The following TOPBP1 variants were observed in gnomAD, a reference collection of about 807,000 sequenced individuals.
TOPBP1 encodes DNA topoisomerase II binding protein 1, also known as DNA topoisomerase 2-binding protein 1.
TOPBP1 carries 28 observed loss-of-function variants against 167.7 expected under a neutral mutation model. The observed-to-expected ratio is 0.17, with a 90% CI of 0.12 to 0.23. The LOEUF is 0.23. TOPBP1 is among the 10% of genes least tolerant of loss of function. The pLI is 1.00. For synonymous variants in TOPBP1, 598 were observed against 611.4 expected (o/e 0.98, Z 0.32); for missense variants, 1,554 against 1,809.6 (o/e 0.86, Z 2.56).
intron 23 of TOPBP1, among the ~76,000 whole-genome samples, chr3:133,614,731 T>C (rs1934802962): frequency 6.6e-6 from 1 of 151,328 alleles, no homozygotes; most frequent in Admixed American, 6.6e-5. Context: ...TTCTGACTTA[T>C]AACCTCACCT....
intron 14 of TOPBP1, 118 bp from the exon 15 acceptor site, chr3:133,628,851 G>A: frequency 2.0e-6 from 2 of 995,916 alleles, no homozygotes; most frequent in South Asian, 1.9e-5. Context: ...GAGAGAAGGG[G>A]GAGAATCCTC....
At chr3:133,650,846 T>C (rs1443061287) in intron 8 of TOPBP1, among the ~76,000 whole-genome samples, 1 of 152,122 alleles carries the variant, frequency 6.6e-6, no homozygotes, top group Non-Finnish European at 1.5e-5. Flanking sequence ...TGGTGGCTCA[T>C]GCCTGTAATC....
chr3:133,621,240 T>G (rs978937538), intron 19 of TOPBP1, among the ~76,000 whole-genome samples: 13 of 152,030 alleles, frequency 8.6e-5, no homozygotes, highest in Non-Finnish European at 1.9e-4. Context: ...CTGGAACCCC[T>G]AGCATCAAGC....
chr3:133,632,003 G>C (rs1935502043), intron 14 of TOPBP1, among the ~76,000 whole-genome samples: 1 of 152,106 alleles, frequency 6.6e-6, no homozygotes, highest in African/African-American at 2.4e-5. Context: ...CTCCAGCCAT[G>C]AAAGACGTGC....
chr3:133,643,559 T>C (rs564198874), intron 11 of TOPBP1, among the ~76,000 whole-genome samples, 187 bp from the exon 12 acceptor site: 5 of 152,188 alleles, frequency 3.3e-5, no homozygotes, highest in Non-Finnish European at 7.3e-5. Context: ...CATACACACA[T>C]ATACATACAT....
At chr3:133,622,707 C>CA (rs1935133960) in intron 19 of TOPBP1, among the ~76,000 whole-genome samples, 1 of 151,956 alleles carries the variant, frequency 6.6e-6, no homozygotes, top group Non-Finnish European at 1.5e-5. Flanking sequence ...GAAAATCACT[C>CA]AAAAGAACTG....
At chr3:133,646,806 G>A (rs1936091613) in intron 10 of TOPBP1, among the ~76,000 whole-genome samples, 1 of 152,070 alleles carries the variant, frequency 6.6e-6, no homozygotes, top group South Asian at 2.1e-4. Flanking sequence ...AGGAATGCTA[G>A]GAATTCCCTC....
Position 133,640,129 on chromosome 3 carries a change from C to G in TOPBP1, c.2063G>C (p.Gly688Ala). 1 of 1,613,688 alleles carries G rather than the reference C, an allele frequency of 6.2e-7. No homozygotes were observed. Among genetic ancestry groups the G allele is most frequent in the Non-Finnish European group, 8.5e-7 (1 of 1,179,800 alleles). ...YFVRKSNAKK[G>A]MFASTHLILK... ...TATAAGATGAGTACTGGCAAACATG[C>G]CTTTCTTTGCATTGGATTTGCGAAC... Residue 688 changes from glycine to alanine, a missense_variant, in exon 13 of 28, where the codon GGC becomes GCC. By Grantham distance (60) the Gly-to-Ala change is moderately conservative. Coordinates refer to ENST00000260810, the MANE Select transcript of TOPBP1 (RefSeq NM_007027.4).
chr3:133,615,780 CTTTTTA>C (rs1483832394), intron 23 of TOPBP1, among the ~76,000 whole-genome samples: 1 of 151,196 alleles, frequency 6.6e-6, no homozygotes, highest in South Asian at 2.1e-4. Context: ...TTTCATTTTA[CTTTTTA>C]TTTTTGAGAT....
chr3:133,647,809 C>T (rs1410967904), intron 10 of TOPBP1, among the ~76,000 whole-genome samples: 1 of 151,794 alleles, frequency 6.6e-6, no homozygotes, highest in Non-Finnish European at 1.5e-5. Flanking sequence ...GATTCGTGAT[C>T]TGGAAAAAAA....
At chr3:133,633,523 G>A (rs1935562307) in intron 14 of TOPBP1, among the ~76,000 whole-genome samples, 4 of 152,184 alleles carry the variant, frequency 2.6e-5, no homozygotes, top group Non-Finnish European at 5.9e-5. Context: ...GGACGTGGTG[G>A]CTCACACCTA....
intron 20 of TOPBP1, among the ~76,000 whole-genome samples, 183 bp from the exon 21 acceptor site, chr3:133,618,616 G>A (rs754960931): frequency 6.6e-6 from 1 of 151,818 alleles, no homozygotes; most frequent in African/African-American, 2.4e-5. Context: ...AAGGTTTAAG[G>A]TTTCTTCCAG....
chr3:133,649,977 T>C, intron 8 of TOPBP1, 34 bp from the exon 9 acceptor site: 1 of 1,484,684 alleles, frequency 6.7e-7, no homozygotes, highest in South Asian at 1.4e-5. Flanking sequence ...ATACATAACA[T>C]GCTTTCTCTC....
intron 4 of TOPBP1, among the ~76,000 whole-genome samples, 170 bp downstream of exon 4, chr3:133,657,628 T>C (rs953354127): frequency 6.6e-6 from 1 of 152,222 alleles, no homozygotes; most frequent in Admixed American, 6.5e-5. Context: ...TTCAATTTAC[T>C]TAAAAAATGT....
chr3:133,619,771 T>C (rs938801002), intron 20 of TOPBP1, among the ~76,000 whole-genome samples: 3 of 152,074 alleles, frequency 2.0e-5, no homozygotes, highest in African/African-American at 7.2e-5. Flanking sequence ...ACGGAGGTAA[T>C]AAAAAGTATC....
chr3:133,613,981 C>T lies in TOPBP1; in HGVS notation c.3872-1429G>A, dbSNP rs555755949. On this transcript the variant is annotated intron_variant, in intron 23 of 27. Coordinates refer to ENST00000260810, the MANE Select transcript of TOPBP1 (RefSeq NM_007027.4). Reference sequence around the variant, plus strand: ...CTAATTTTTGTATTTTTAGTAGAGACGGGGTTTCACCATGTTTGCCAGGCT... The same window carrying T: ...CTAATTTTTGTATTTTTAGTAGAGATGGGGTTTCACCATGTTTGCCAGGCT... Among the ~76,000 whole-genome samples, 7 of 151,850 alleles carry T rather than the reference C, an allele frequency of 4.6e-5. No homozygotes were observed. The East Asian group carries it at 9.7e-4, about 21-fold the overall frequency.
At position 133,612,428 on chromosome 3, in the gene TOPBP1, G is replaced by A. The variant is rs755655591; in HGVS notation, c.3996C>T (p.Ser1332=). The A allele has an allele frequency of 1.9e-6, 3 of 1,613,924 alleles. No individual in the cohort carries two copies. The highest frequency in any genetic ancestry group is 3.3e-5 in the Admixed American group (2 of 60,012). ...CAGCAGTCCTGCAGGCTTCAAGGTA[G>A]GAGCGATGAAGCACCCACTTCCCAG... ...VAAGKWVLHR[S]YLEACRTAGH... is the part of the protein sequence containing the mutation. Residue 1332 remains serine (S), a synonymous_variant, in exon 24 of 28, where the codon TCC becomes TCT. Coordinates refer to ENST00000260810, the MANE Select transcript of TOPBP1 (RefSeq NM_007027.4).
chr3:133,607,216 G>A (rs547890479), intron 27 of TOPBP1, among the ~76,000 whole-genome samples: 11 of 152,132 alleles, frequency 7.2e-5, no homozygotes, highest in African/African-American at 9.6e-5. Flanking sequence ...TTGAGCAACC[G>A]AAACCCAGAA....
chr3:133,614,411 C>T (rs1160805600), intron 23 of TOPBP1, among the ~76,000 whole-genome samples: 1 of 152,134 alleles, frequency 6.6e-6, no homozygotes, highest in Admixed American at 6.5e-5. Context: ...GCGACCCAGA[C>T]AACATAATAG....
Sources: allele counts gnomAD v4.1 joint callset (sites outside exome capture counted in the v4.1 genomes callset), GRCh38; gene constraint gnomAD v4.1.1; transcripts MANE v1.5; gene names NCBI Gene and HGNC (gene_info 2026-07-23, HGNC 2026-07-21).